OR10G8: variants seen among roughly 807,000 people sequenced by gnomAD.
The protein encoded by OR10G8 is olfactory receptor 10G8.
For synonymous variants in OR10G8, 173 were observed against 163.2 expected, an observed-to-expected ratio of 1.06 and a Z score of -0.46; for missense variants, 386 against 384.9, an observed-to-expected ratio of 1.00 and a Z score of -0.02.
intron 1 of OR10G8, 83 bp from the exon 2 acceptor site, chr11:124,029,513 C>G (rs1864133998): frequency 8.1e-7 from 1 of 1,231,216 alleles, no homozygotes; most frequent in Non-Finnish European, 1.1e-6. Context: ...AATTATCTAC[C>G]TGCTTGATGC....
In OR10G8 at chr11:124,030,546, T is replaced by G; in HGVS notation, c.924T>G (p.Ser308=). 6.3e-7 allele frequency: 1 copy of G among 1,590,484 alleles called. No individual in the cohort carries two copies. Among genetic ancestry groups the G allele is most frequent in the East Asian group, 2.2e-5 (1 of 44,788 alleles). The change falls in exon 2 of 2, where the codon TCT becomes TCG. Residue 308 remains serine (S), a synonymous_variant. Transcript: ENST00000641224. The part of the protein sequence containing the change: ...LLKLKDKVAH[S]QSK ...AGCTGAAAGACAAAGTAGCACATTC[T>G]CAGAGCAAATAGACACTAGGGAAGA...
chr11:124,028,293 T>G (rs570961121), intron 1 of OR10G8, among the ~76,000 whole-genome samples: 1 of 152,232 alleles, frequency 6.6e-6, no homozygotes, highest in African/African-American at 2.4e-5. Flanking sequence ...CAGGGGACAG[T>G]TATGCATGAA....
At chr11:124,027,621 G>A (rs1162246615) in intron 1 of OR10G8, among the ~76,000 whole-genome samples, 2 of 152,150 alleles carry the variant, frequency 1.3e-5, no homozygotes, top group Non-Finnish European at 2.9e-5. Flanking sequence ...TGGTGCAGTA[G>A]AAATTTCAGA....
chr11:124,029,699 T>A lies in OR10G8; in HGVS notation c.77T>A (p.Phe26Tyr). The change falls in exon 2 of 2, where the codon TTT becomes TAT. Residue 26 changes from phenylalanine to tyrosine, a missense_variant. Physicochemically the swap from Phe to Tyr is conservative, Grantham distance 22. Transcript: ENST00000641224. ...PHAPALDAPL[F>Y]GVFLVVYVLT... Reference sequence around the variant, plus strand: ...GCCCCAGCGCTGGACGCCCCCCTCTTTGGAGTCTTCCTGGTGGTTTACGTG... The same window carrying A: ...GCCCCAGCGCTGGACGCCCCCCTCTATGGAGTCTTCCTGGTGGTTTACGTG... 6.2e-7 allele frequency: 1 copy of A among 1,613,938 alleles called. No homozygotes were observed. Among genetic ancestry groups the A allele is most frequent in the Non-Finnish European group, 8.5e-7 (1 of 1,179,856 alleles).
Position 124,030,453 on chromosome 11 carries a change from G to A in OR10G8, c.831G>A (p.Val277=), listed in dbSNP as rs753087651. The A allele has an allele frequency of 1.2e-6, 2 of 1,614,160 alleles. No homozygotes were observed. Among genetic ancestry groups the A allele is most frequent in the Non-Finnish European group, 1.7e-6 (2 of 1,179,992 alleles). Residue 277 remains valine (V), a synonymous_variant, in exon 2 of 2, where the codon GTG becomes GTA. Transcript: ENST00000641224. ...VDGVVAVFYT[V]LTPLLNPVVY... is the part of the protein sequence containing the mutation. ...GAGTTGTGGCCGTTTTCTACACTGT[G>A]CTGACGCCCCTTCTCAACCCTGTTG...
intron 1 of OR10G8, 153 bp from the exon 2 acceptor site, chr11:124,029,443 A>T (rs1345946929): frequency 1.4e-6 from 1 of 690,644 alleles, no homozygotes; most frequent in Admixed American, 2.9e-5. Flanking sequence ...AGACTAGGAA[A>T]TCACTTCATT....
At chr11:124,027,133 G>A (rs1457239492) in intron 1 of OR10G8, among the ~76,000 whole-genome samples, 1 of 152,104 alleles carries the variant, frequency 6.6e-6, no homozygotes, top group Non-Finnish European at 1.5e-5. Flanking sequence ...TCCTTAAGTA[G>A]AAAAGGACCA....
chr11:124,029,551 T>G (rs1031078863), intron 1 of OR10G8, 45 bp from the exon 2 acceptor site: 5 of 1,485,452 alleles, frequency 3.4e-6, no homozygotes, highest in Non-Finnish European at 4.6e-6. Context: ...TGGATTCTCA[T>G]TTCTCAATTA....
Position 124,030,010 on chromosome 11 carries a change from A to T in OR10G8, c.388A>T (p.Arg130Trp), listed in dbSNP as rs1864141302. 1.2e-6 allele frequency: 2 copies of T among 1,614,038 alleles called. No homozygotes were observed. The highest frequency in any genetic ancestry group is 8.5e-7 in the Non-Finnish European group (1 of 1,180,028). ...CTACCTGGCCATCAGTTACCCGCTC[A>T]GGTACACCAGCATGATGACTGGGCG... ...DRYLAISYPL[R>W]YTSMMTGRSC... The change falls in exon 2 of 2, where the codon AGG becomes TGG. Residue 130 changes from arginine (R) to tryptophan (W), a missense_variant. Transcript: ENST00000641224.
chr11:124,029,560 T>C, intron 1 of OR10G8, 36 bp from the exon 2 acceptor site: 2 of 1,520,054 alleles, frequency 1.3e-6, no homozygotes, highest in Non-Finnish European at 1.8e-6. Flanking sequence ...ATTTCTCAAT[T>C]AAGTGCTAAA....
intron 1 of OR10G8, among the ~76,000 whole-genome samples, chr11:124,028,308 G>T (rs1864123720): frequency 1.3e-5 from 2 of 152,290 alleles, no homozygotes; most frequent in South Asian, 4.1e-4. Flanking sequence ...CATGAACCTT[G>T]ATGCTCTCTG....
intron 1 of OR10G8, among the ~76,000 whole-genome samples, chr11:124,028,355 T>C (rs983504236): frequency 6.6e-6 from 1 of 152,006 alleles, no homozygotes; most frequent in Non-Finnish European, 1.5e-5. Context: ...CATTATGGAG[T>C]TGCGCTGAGA....
intron 1 of OR10G8, among the ~76,000 whole-genome samples, chr11:124,027,680 A>C (rs1025445308): frequency 6.6e-6 from 1 of 152,208 alleles, no homozygotes; most frequent in Non-Finnish European, 1.5e-5. Flanking sequence ...TGGTGATTGC[A>C]GTAATCTCCT....
At chr11:124,029,545 T>C in intron 1 of OR10G8, 51 bp from the exon 2 acceptor site, 1 of 1,453,222 alleles carries the variant, frequency 6.9e-7, no homozygotes, top group Non-Finnish European at 9.4e-7. Flanking sequence ...AGAGAATGGA[T>C]TCTCATTTCT....
In OR10G8 at chr11:124,029,819, T is replaced by C. The variant is rs1197951249; in HGVS notation, c.197T>C (p.Phe66Ser). 1.9e-6 allele frequency: 3 copies of C among 1,614,156 alleles called. No individual in the cohort carries two copies. The highest frequency in any genetic ancestry group is 1.7e-6 in the Non-Finnish European group (2 of 1,180,030). The stretch of plus-strand genomic sequence containing the variant: ...TACTACTTCCTCACCAACCTGTCGT[T>C]CATTGACATGTGGTTCTCCACTGTC... Reference protein sequence around the residue: ...TMYYFLTNLSFIDMWFSTVTV... With the variant: ...TMYYFLTNLSSIDMWFSTVTV... The change falls in exon 2 of 2, where the codon TTC (phenylalanine) becomes TCC (serine). Residue 66 changes from phenylalanine to serine, a missense_variant. Phe to Ser is a radical substitution (Grantham distance 155, BLOSUM62 -2). Transcript: ENST00000641224.
At position 124,030,224 on chromosome 11, in the gene OR10G8, C is replaced by A. The variant is rs780464260; in HGVS notation, c.602C>A (p.Thr201Asn). The change falls in exon 2 of 2, where the codon ACT becomes AAT. Residue 201 changes from threonine (T) to asparagine (N), a missense_variant. By Grantham distance (65) the Thr-to-Asn change is moderately conservative. Coordinates refer to ENST00000641224, the MANE Select transcript of OR10G8 (RefSeq NM_001004464.2). ...GCCATAGAGACTGTCATTTTTGTGA[C>A]TGTTGGAATAGTGGCCTCGGGCTGC... is the stretch of plus-strand genomic sequence containing the variant. ...TSAIETVIFV[T>N]VGIVASGCFV... 6.2e-7 allele frequency: 1 copy of A among 1,614,134 alleles called. No homozygotes were observed. Among genetic ancestry groups the A allele is most frequent in the East Asian group, 2.2e-5 (1 of 44,852 alleles).
At chr11:124,027,367 C>T (rs1013658658) in intron 1 of OR10G8, among the ~76,000 whole-genome samples, 4 of 152,116 alleles carry the variant, frequency 2.6e-5, no homozygotes, top group South Asian at 2.1e-4. Flanking sequence ...ATAAGATATT[C>T]GATAATTGTT....
At chr11:124,027,650 A>T (rs1477414108) in intron 1 of OR10G8, among the ~76,000 whole-genome samples, 2 of 152,172 alleles carry the variant, frequency 1.3e-5, no homozygotes, top group Non-Finnish European at 2.9e-5. Context: ...GTTCTATTTT[A>T]AAAGTTCTGA....
Position 124,030,125 on chromosome 11 carries a change from G to T in OR10G8, c.503G>T (p.Cys168Phe), listed in dbSNP as rs765030796. The T allele has an allele frequency of 8.1e-6, 13 of 1,613,876 alleles. No individual in the cohort carries two copies. Among genetic ancestry groups the T allele is most frequent in the African/African-American group, 1.3e-5 (1 of 74,906 alleles). The change falls in exon 2 of 2, where the codon TGT (cysteine) becomes TTT (phenylalanine). Residue 168 changes from cysteine (C) to phenylalanine (F), a missense_variant. Physicochemically the swap from Cys to Phe is radical, Grantham distance 205 (BLOSUM62 -2). Coordinates refer to ENST00000641224, the MANE Select transcript of OR10G8 (RefSeq NM_001004464.2). ...QAILTFHLPYCGPNWIQHYLC... is the reference protein window; with the variant it reads ...QAILTFHLPYFGPNWIQHYLC... ...ATATTGACTTTCCATTTGCCCTACTGTGGACCCAACTGGATCCAGCACTAT... is the reference window on the plus strand; with the variant it reads ...ATATTGACTTTCCATTTGCCCTACTTTGGACCCAACTGGATCCAGCACTAT...
Sources: gnomAD v4.1 joint callset for allele counts (sites outside exome capture counted in the v4.1 genomes callset) on GRCh38, gnomAD v4.1.1 for gene constraint, MANE v1.5 for transcripts, NCBI Gene and HGNC (gene_info 2026-07-23, HGNC 2026-07-21) for gene names.